Variants in AGAP1 observed in about 807,000 individuals in gnomAD.
AGAP1 encodes the protein arf-GAP with GTPase, ANK repeat and PH domain-containing protein 1.
A neutral mutation model predicts 105.3 loss-of-function variants in AGAP1; 29 were observed. The observed-to-expected ratio is 0.28, with a 90% confidence interval of 0.21 to 0.38. The LOEUF is 0.38. Among genes scored for constraint, AGAP1 ranks in the 10% least tolerant of loss-of-function variants. AGAP1 has a pLI of 1.00. For missense variants in AGAP1, 998 were observed against 1,165.1 expected (o/e 0.86, Z 2.09); for synonymous variants, 509 against 485.9 (o/e 1.05, Z -0.63).
chr2:235,511,190 C>G (rs1393130392), intron 1 of AGAP1, among the ~76,000 whole-genome samples: 1 of 152,064 alleles, frequency 6.6e-6, no homozygotes, highest in Admixed American at 6.5e-5. Context: ...CATCCCGAGA[C>G]TGAGAGCCCC....
chr2:235,704,721 C>A (rs190670965), intron 1 of AGAP1, among the ~76,000 whole-genome samples: 1 of 152,286 alleles, frequency 6.6e-6, no homozygotes, highest in East Asian at 1.9e-4. Context: ...CTTTGCTAAG[C>A]GTCCCAGGTT....
chr2:235,705,512 A>G lies in AGAP1; in HGVS notation c.164-3667A>G, dbSNP rs1950493789. 6.6e-6 allele frequency among the ~76,000 whole-genome samples: 1 copy of G among 152,160 alleles called. No homozygotes were observed. The highest frequency in any genetic ancestry group is 1.5e-5 in the Non-Finnish European group (1 of 68,012). On this transcript the variant is annotated intron_variant, in intron 1 of 17. Coordinates refer to ENST00000304032, the MANE Select transcript of AGAP1 (RefSeq NM_001037131.3). This position sits in a 1 kb window ranked among gnomAD's most constrained non-coding sequence, Gnocchi z 4.9. The stretch of plus-strand genomic sequence containing the variant: ...GACCCCACCTACTGAGTGATGAACA[A>G]TTCCACGCCAGCACAGTGTCCAGCC...
chr2:236,046,787 A>G lies in AGAP1; in HGVS notation c.1892-2272A>G, dbSNP rs10181953. 0.13 allele frequency among the ~76,000 whole-genome samples: 19,337 copies of G among 152,104 alleles called. 1,476 individuals are homozygous for G. Among genetic ancestry groups the G allele is most frequent in the African/African-American group, 0.21 (8,848 of 41,470 alleles). On this transcript the variant is annotated intron_variant, in intron 15 of 17. Coordinates refer to ENST00000304032, the MANE Select transcript of AGAP1 (RefSeq NM_001037131.3). This position sits in a 1 kb window ranked among gnomAD's most constrained non-coding sequence, Gnocchi z 5.2. ...CTGGGAAAGAGATCACAACGGAGCAACCAGGAAAGTGGGGAAAAAATCCAG... is the reference window on the plus strand; with the variant it reads ...CTGGGAAAGAGATCACAACGGAGCAGCCAGGAAAGTGGGGAAAAAATCCAG...
rs772731242 is a variant in AGAP1 at position 236,049,207 on chromosome 2, C to T, written c.2040C>T (p.Ile680=). The T allele has an allele frequency of 7.6e-5, 123 of 1,614,062 alleles. No homozygotes were observed. The highest frequency in any genetic ancestry group is 3.3e-4 in the Middle Eastern group (2 of 6,084). ...AGCTCATCAAGGTGATGTCATCCAT[C>T]GGGAACGAGCTAGCCAACAGCGTCT... ...PVELIKVMSS[I]GNELANSVWE... The change falls in exon 16 of 18, where the codon ATC becomes ATT. Residue 680 remains isoleucine, a synonymous_variant. Coordinates refer to ENST00000304032, the MANE Select transcript of AGAP1 (RefSeq NM_001037131.3).
intron 1 of AGAP1, among the ~76,000 whole-genome samples, chr2:235,534,679 A>G: frequency 6.6e-6 from 1 of 152,162 alleles, no homozygotes; most frequent in Non-Finnish European, 1.5e-5. Context: ...CATTTCATTA[A>G]AGCCTCAGGG....
At chr2:235,947,189 C>T (rs2053539607) in intron 12 of AGAP1, among the ~76,000 whole-genome samples, 2 of 152,050 alleles carry the variant, frequency 1.3e-5, no homozygotes, top group Admixed American at 6.6e-5. Context: ...GAGCAGTGTA[C>T]ACTGTACCCA....
At chr2:235,671,514 CCT>C (rs1452328059) in intron 1 of AGAP1, among the ~76,000 whole-genome samples, 1 of 152,176 alleles carries the variant, frequency 6.6e-6, no homozygotes, top group Non-Finnish European at 1.5e-5. Flanking sequence ...GAGTCGTCTC[CCT>C]GTTAGTGCTA....
rs1946453671 is a variant in AGAP1 at position 235,620,796 on chromosome 2, G to A, written c.164-88383G>A. Among the ~76,000 whole-genome samples the A allele has an allele frequency of 6.6e-6, 1 of 152,230 alleles. No homozygotes were observed. The highest frequency in any genetic ancestry group is 1.5e-5 in the Non-Finnish European group (1 of 68,050). On this transcript the variant is annotated intron_variant, in intron 1 of 17. Coordinates refer to ENST00000304032, the MANE Select transcript of AGAP1 (RefSeq NM_001037131.3). The surrounding 1 kb of genome is among the most constrained non-coding windows in gnomAD (Gnocchi z 4.5). The stretch of plus-strand genomic sequence containing the variant: ...TTGTCGATGTTCGTTAGGCATGCAG[G>A]TGAACAAGTGAATGAGTGATCCTGA...
At chr2:235,543,686 G>A (rs542412195) in intron 1 of AGAP1, among the ~76,000 whole-genome samples, 2 of 152,256 alleles carry the variant, frequency 1.3e-5, no homozygotes, top group East Asian at 3.9e-4. Flanking sequence ...AAGGATCTGT[G>A]TTTCCTGGAG....
chr2:236,117,700 C>A (rs182364562), intron 16 of AGAP1, among the ~76,000 whole-genome samples: 31 of 152,154 alleles, frequency 2.0e-4, no homozygotes, highest in Admixed American at 9.2e-4. Context: ...CATCCTTCAC[C>A]GTCATCCCTT....
chr2:236,102,156 G>A (rs574073951), intron 16 of AGAP1, among the ~76,000 whole-genome samples: 7 of 152,278 alleles, frequency 4.6e-5, no homozygotes, highest in South Asian at 2.1e-4. Flanking sequence ...GGTGGCTCAC[G>A]CCTGTAATCC....
rs954892333 is a variant in AGAP1 at position 235,807,172 on chromosome 2, CA to C, written c.958-66del. On this transcript the variant is annotated intron_variant, in intron 8 of 17. Transcript: ENST00000304032. ...TGTGTATTGGCAGGAATTCTGCAAA[CA>C]GGGGCAGAGCCCCGTCTGTGAACCA... 95 of 1,494,738 alleles carry C rather than the reference CA, an allele frequency of 6.4e-5. 1 individual carries two copies. The African/African-American group carries it at 1.0e-3, about 16-fold the overall frequency. 92.6% of individuals were successfully genotyped at this position (1,494,738 alleles called of 1,614,324 possible). A position where few individuals can be genotyped will look rare whatever the true frequency, so the allele number is the denominator to read the frequency against.
At position 236,101,039 on chromosome 2, in the gene AGAP1, C is replaced by G. The variant is rs2059334125; in HGVS notation, c.2115-19153C>G. Among the ~76,000 whole-genome samples, 1 of 152,108 alleles carries G rather than the reference C, an allele frequency of 6.6e-6. No individual in the cohort carries two copies. Among genetic ancestry groups the G allele is most frequent in the Non-Finnish European group, 1.5e-5 (1 of 68,024 alleles). ...TCAGCTAGGCTGACACAGGGGTCCG[C>G]AGACCCAGGCCCCTCATTCCATCAG... On this transcript the variant is annotated intron_variant, in intron 16 of 17. Coordinates refer to ENST00000304032, the MANE Select transcript of AGAP1 (RefSeq NM_001037131.3). The surrounding 1 kb of genome is among the most constrained non-coding windows in gnomAD (Gnocchi z 4.9).
chr2:235,937,354 CAG>C (rs779766829), intron 12 of AGAP1, among the ~76,000 whole-genome samples: 91 of 152,296 alleles, frequency 6.0e-4, no homozygotes, highest in Non-Finnish European at 9.7e-4. Flanking sequence ...TAACTGGACA[CAG>C]GGGGTGAAAG....
chr2:235,951,665 G>T lies in AGAP1; in HGVS notation c.1484-16797G>T, dbSNP rs185646962. On this transcript the variant is annotated intron_variant, in intron 12 of 17. Coordinates refer to ENST00000304032, the MANE Select transcript of AGAP1 (RefSeq NM_001037131.3). This position sits in a 1 kb window ranked among gnomAD's most constrained non-coding sequence, Gnocchi z 4.2. ...CGTGTCACTACCCTTTGCTACAGCT[G>T]TTGTTTCTCACTGATTCATTCTCGG... is the stretch of plus-strand genomic sequence containing the variant. 0.023 allele frequency among the ~76,000 whole-genome samples: 3,479 copies of T among 152,238 alleles called. 137 individuals are homozygous for T. Among genetic ancestry groups the T allele is most frequent in the African/African-American group, 0.079 (3,291 of 41,536 alleles).
chr2:235,669,287 C>T (rs1948236344), intron 1 of AGAP1, among the ~76,000 whole-genome samples: 1 of 152,154 alleles, frequency 6.6e-6, no homozygotes, highest in Non-Finnish European at 1.5e-5. Flanking sequence ...AAACAAGTCA[C>T]ATGAGTTGCA....
chr2:236,129,379 C>A lies in AGAP1; in HGVS notation c.*5257C>A, dbSNP rs1390149209. 6.6e-6 allele frequency: 1 copy of A among 152,308 alleles called. No homozygotes were observed. The highest frequency in any genetic ancestry group is 1.5e-5 in the Non-Finnish European group (1 of 68,114). The allele number at this position is 152,308 out of a possible 1,614,324, so 9.4% of individuals were successfully genotyped here. On this transcript the variant is annotated 3_prime_UTR_variant, in exon 18 of 18. Transcript: ENST00000304032. The surrounding 1 kb of genome is among the most constrained non-coding windows in gnomAD (Gnocchi z 6.2). The stretch of plus-strand genomic sequence containing the variant: ...GCTTTTCAGCAAAATGTCAGCTTTC[C>A]TCCCATTATGCAGGAGAGAGAAGGG...
In AGAP1 at chr2:235,965,825, G is replaced by C. The variant is rs2054365220; in HGVS notation, c.1484-2637G>C. 6.6e-6 allele frequency among the ~76,000 whole-genome samples: 1 copy of C among 152,188 alleles called. No homozygotes were observed. Among genetic ancestry groups the C allele is most frequent in the South Asian group, 2.1e-4 (1 of 4,836 alleles). Reference sequence around the variant, plus strand: ...CATGAAAGATCTTGGGACCTCTGAGGACAGAAGTGACGCAGTGGAGAGGGA... The same window carrying C: ...CATGAAAGATCTTGGGACCTCTGAGCACAGAAGTGACGCAGTGGAGAGGGA... On this transcript the variant is annotated intron_variant, in intron 12 of 17. Coordinates refer to ENST00000304032, the MANE Select transcript of AGAP1 (RefSeq NM_001037131.3). This position sits in a 1 kb window ranked among gnomAD's most constrained non-coding sequence, Gnocchi z 5.8.
intron 1 of AGAP1, among the ~76,000 whole-genome samples, chr2:235,677,383 C>T (rs977476877): frequency 1.4e-4 from 22 of 152,112 alleles, no homozygotes; most frequent in African/African-American, 4.8e-4. Flanking sequence ...GGGATTGTTT[C>T]GGCGACTCCT....
Sources: gnomAD v4.1 joint callset for allele counts (sites outside exome capture counted in the v4.1 genomes callset) on GRCh38, gnomAD v4.1.1 for gene constraint, Gnocchi (gnomAD v3.1) non-coding constraint, MANE v1.5 for transcripts, NCBI Gene and HGNC (gene_info 2026-07-23, HGNC 2026-07-21) for gene names.